Variants in ZFHX3 observed in about 807,000 individuals in gnomAD.
The protein encoded by ZFHX3 is zinc finger homeobox protein 3.
ZFHX3 carries 42 observed loss-of-function variants against 279.1 expected under a neutral mutation model. That is an observed-to-expected ratio of 0.15 (90% CI 0.12 to 0.19). The LOEUF (loss-of-function observed/expected upper bound fraction) is 0.19, where lower values mean the gene tolerates loss of function less well. Among genes scored for constraint, ZFHX3 ranks in the 10% least tolerant of loss-of-function variants. ZFHX3 has a pLI of 1.00. For synonymous variants in ZFHX3, 2,293 were observed against 1,957.8 expected (o/e 1.17, Z -4.52); for missense variants, 4,981 against 4,754.0 (o/e 1.05, Z -1.40).
At chr16:73,453,220 T>C (rs1025075572) in intron 3 of ZFHX3, among the ~76,000 whole-genome samples, 2 of 152,224 alleles carry the variant, frequency 1.3e-5, no homozygotes, top group Non-Finnish European at 2.9e-5. Context: ...TGAAATCCAG[T>C]GTGATTTGTT....
intron 1 of ZFHX3, among the ~76,000 whole-genome samples, chr16:73,692,819 C>A (rs890316156): frequency 3.9e-5 from 6 of 152,326 alleles, no homozygotes; most frequent in Middle Eastern, 3.4e-3. Flanking sequence ...TTATTCCTGG[C>A]ATGAAAGAAA....
At chr16:73,442,108 T>G (rs1253183425) in intron 3 of ZFHX3, among the ~76,000 whole-genome samples, 2 of 152,022 alleles carry the variant, frequency 1.3e-5, no homozygotes, top group African/African-American at 4.8e-5. Flanking sequence ...GGTGGGTGTG[T>G]TTACAGATGA....
intron 2 of ZFHX3, among the ~76,000 whole-genome samples, chr16:73,620,544 C>T (rs2052348837): frequency 6.6e-6 from 1 of 152,190 alleles, no homozygotes; most frequent in East Asian, 1.9e-4. Flanking sequence ...AAATGTGAAC[C>T]CACAGTGCTT....
intron 1 of ZFHX3, among the ~76,000 whole-genome samples, chr16:73,732,832 G>A (rs1463103309): frequency 6.6e-6 from 1 of 152,184 alleles, no homozygotes; most frequent in African/African-American, 2.4e-5. Context: ...GGTGAGAGAA[G>A]TATTTGCCTT....
chr16:72,896,951 C>G (rs189317372), intron 3 of ZFHX3, among the ~76,000 whole-genome samples: 47 of 152,378 alleles, frequency 3.1e-4, no homozygotes, highest in African/African-American at 1.0e-3. Flanking sequence ...TGGCCGCCCT[C>G]TCGGCACACT....
At chr16:73,193,824 T>C (rs1968090674) in intron 5 of ZFHX3, among the ~76,000 whole-genome samples, 1 of 152,212 alleles carries the variant, frequency 6.6e-6, no homozygotes, top group African/African-American at 2.4e-5. Context: ...ACAGTGGGGA[T>C]AATAGGAATT....
intron 5 of ZFHX3, among the ~76,000 whole-genome samples, chr16:73,242,875 T>C (rs1207278520): frequency 6.6e-6 from 1 of 152,084 alleles, no homozygotes; most frequent in Non-Finnish European, 1.5e-5. Flanking sequence ...GATAGCACAG[T>C]CCTGGGGAAG....
At chr16:73,117,567 G>T (rs1031201060) in intron 7 of ZFHX3, among the ~76,000 whole-genome samples, 19 of 152,280 alleles carry the variant, frequency 1.2e-4, no homozygotes, top group Admixed American at 1.2e-3. Flanking sequence ...AGTTTTTGGG[G>T]GGATGAGTAT....
At chr16:73,426,329 G>T (rs2017809758) in intron 3 of ZFHX3, among the ~76,000 whole-genome samples, 1 of 152,218 alleles carries the variant, frequency 6.6e-6, no homozygotes, top group African/African-American at 2.4e-5. Flanking sequence ...CAAAAAGGAG[G>T]TGACAAGGGT....
chr16:72,797,492 TTGCTGC>T lies in ZFHX3; in HGVS notation c.5184_5189del (p.Gln1740_Gln1741del), dbSNP rs753595993. The T allele has an allele frequency of 1.1e-4, 177 of 1,610,210 alleles. No homozygotes were observed. Among genetic ancestry groups the T allele is most frequent in the African/African-American group, 1.2e-4 (9 of 74,502 alleles). On this transcript the variant is annotated inframe_deletion, in exon 9 of 10. Coordinates refer to ENST00000268489, the MANE Select transcript of ZFHX3 (RefSeq NM_006885.4). ...GTTGTTGTTGTTGTTGTTGTTGCTG[TTGCTGC>T]TGCTGTTGTTGCTGCTGCCTGGATG...
At chr16:73,183,980 C>T (rs889277200) in intron 5 of ZFHX3, among the ~76,000 whole-genome samples, 4 of 152,094 alleles carry the variant, frequency 2.6e-5, no homozygotes, top group African/African-American at 9.7e-5. Flanking sequence ...CTTTTGCCAG[C>T]GCATGAATCT....
intron 5 of ZFHX3, among the ~76,000 whole-genome samples, chr16:73,233,685 C>T (rs1351153288): frequency 6.6e-6 from 1 of 152,166 alleles, no homozygotes; most frequent in African/African-American, 2.4e-5. Flanking sequence ...ACACACATGA[C>T]AAAGTGGGGA....
chr16:73,683,778 G>A (rs1182896945), intron 1 of ZFHX3, among the ~76,000 whole-genome samples: 4 of 152,134 alleles, frequency 2.6e-5, no homozygotes, highest in Non-Finnish European at 4.4e-5. Context: ...TGCAACTCTG[G>A]ATTCTCATTG....
chr16:73,638,445 A>G (rs964059723), intron 2 of ZFHX3, among the ~76,000 whole-genome samples: 1 of 152,188 alleles, frequency 6.6e-6, no homozygotes, highest in African/African-American at 2.4e-5. Flanking sequence ...CAATATTTAG[A>G]CATACAGTAT....
intron 4 of ZFHX3, among the ~76,000 whole-genome samples, chr16:73,315,171 C>T (rs1358265570): frequency 1.3e-5 from 2 of 150,396 alleles, no homozygotes; most frequent in Non-Finnish European, 3.0e-5. Flanking sequence ...CAGTGAGCAC[C>T]ACTGCACTCC....
intron 3 of ZFHX3, among the ~76,000 whole-genome samples, chr16:73,355,860 C>T (rs1276624773): frequency 2.0e-5 from 3 of 152,150 alleles, no homozygotes; most frequent in African/African-American, 7.2e-5. Flanking sequence ...ATAGTAGGAG[C>T]ATTTGTTGCT....
At chr16:73,446,548 T>C (rs974066685) in intron 3 of ZFHX3, among the ~76,000 whole-genome samples, 1 of 152,130 alleles carries the variant, frequency 6.6e-6, no homozygotes, top group Non-Finnish European at 1.5e-5. Context: ...AGGATTACAG[T>C]TTGGATTACA....
chr16:72,960,449 G>A (rs937212106), intron 1 of ZFHX3, among the ~76,000 whole-genome samples: 29 of 152,160 alleles, frequency 1.9e-4, no homozygotes, highest in Non-Finnish European at 2.9e-4. Context: ...AGCCCTCTTC[G>A]GCTTCGAATT....
intron 5 of ZFHX3, among the ~76,000 whole-genome samples, chr16:73,212,677 G>C (rs557465673): frequency 8.5e-5 from 13 of 152,304 alleles, no homozygotes; most frequent in African/African-American, 2.9e-4. Flanking sequence ...GCTGTCCCTA[G>C]TGTTTACCTC....
Sources: gnomAD v4.1 joint callset for allele counts (sites outside exome capture counted in the v4.1 genomes callset) on GRCh38, gnomAD v4.1.1 for gene constraint, MANE v1.5 for transcripts, NCBI Gene and HGNC (gene_info 2026-07-23, HGNC 2026-07-21) for gene names.